The following BCAS3 variants were observed in gnomAD, a reference collection of about 807,000 sequenced individuals.
BCAS3 encodes BCAS4/BCAS3 fusion.
BCAS3 carries 53 observed loss-of-function variants against 116.1 expected under a neutral mutation model. That is an observed-to-expected ratio of 0.46 (90% CI 0.37 to 0.57). The LOEUF is 0.57. BCAS3 is among the 20% of genes least tolerant of loss of function. The probability of loss-of-function intolerance (pLI) is 0.00; values close to 1 mark genes in which losing one functional copy is unlikely to be tolerated. For missense variants in BCAS3, 917 were observed against 1,165.4 expected, an observed-to-expected ratio of 0.79 and a Z score of 3.10; for synonymous variants, 391 against 408.2, an observed-to-expected ratio of 0.96 and a Z score of 0.51.
At chr17:60,846,249 GTT>G (rs913673970) in intron 7 of BCAS3, among the ~76,000 whole-genome samples, 1 of 152,046 alleles carries the variant, frequency 6.6e-6, no homozygotes, top group African/African-American at 2.4e-5. Context: ...TTCTTTATCA[GTT>G]TTTTCAGTCA....
At chr17:60,688,590 G>A (rs1038501348) in intron 3 of BCAS3, among the ~76,000 whole-genome samples, 10 of 152,006 alleles carry the variant, frequency 6.6e-5, no homozygotes, top group African/African-American at 2.2e-4. Flanking sequence ...GAGGCGGGGC[G>A]GATCACCTGA....
chr17:61,055,883 G>A (rs961871740), intron 19 of BCAS3, among the ~76,000 whole-genome samples: 1 of 152,044 alleles, frequency 6.6e-6, no homozygotes, highest in Non-Finnish European at 1.5e-5. Context: ...TGCATTTCCT[G>A]ATAGAGAACT....
intron 22 of BCAS3, among the ~76,000 whole-genome samples, chr17:61,170,929 C>A (rs1474865858): frequency 1.3e-5 from 2 of 152,142 alleles, no homozygotes; most frequent in African/African-American, 4.8e-5. Context: ...CAGGAAAGAG[C>A]CACTTAAAAA....
chr17:61,136,868 C>T lies in BCAS3; in HGVS notation c.2425+52304C>T, dbSNP rs1297400166. On this transcript the variant is annotated intron_variant, in intron 22 of 23. Coordinates refer to ENST00000407086, the MANE Select transcript of BCAS3 (RefSeq NM_017679.5). The surrounding 1 kb of genome is among the most constrained non-coding windows in gnomAD (Gnocchi z 4.4). The stretch of plus-strand genomic sequence containing the variant: ...GCCACTGTGCTCAGCCAATTGTCCC[C>T]ATTTAAGAACCACTACCCTGGAAAC... 1.3e-5 allele frequency among the ~76,000 whole-genome samples: 2 copies of T among 152,134 alleles called. No individual in the cohort carries two copies. Among genetic ancestry groups the T allele is most frequent in the Non-Finnish European group, 2.9e-5 (2 of 68,018 alleles).
intron 7 of BCAS3, chr17:60,851,615 G>A (rs928216681): frequency 3.0e-6 from 2 of 658,504 alleles, no homozygotes; most frequent in Non-Finnish European, 5.6e-6. Context: ...AAATAAAAGG[G>A]CAAAGGGGAG....
intron 5 of BCAS3, among the ~76,000 whole-genome samples, chr17:60,746,837 A>G (rs938974632): frequency 2.6e-5 from 4 of 152,154 alleles, no homozygotes; most frequent in Non-Finnish European, 5.9e-5. Flanking sequence ...TAAAGTTGCT[A>G]TAATATTTAA....
rs981578759 is a variant in BCAS3 at position 61,077,473 on chromosome 17, C to T, written c.2131-860C>T. Among the ~76,000 whole-genome samples the T allele has an allele frequency of 2.0e-5, 3 of 151,960 alleles. No individual in the cohort carries two copies. Among genetic ancestry groups the T allele is most frequent in the Admixed American group, 6.6e-5 (1 of 15,264 alleles). ...CGGAGCTTGCAGTGAGCGGAGATCA[C>T]GCCACTGCACTCCAGTCTGGGCAAC... On this transcript the variant is annotated intron_variant, in intron 20 of 23. Coordinates refer to ENST00000407086, the MANE Select transcript of BCAS3 (RefSeq NM_017679.5). This position sits in a 1 kb window ranked among gnomAD's most constrained non-coding sequence, Gnocchi z 4.3.
Position 61,362,192 on chromosome 17 carries a change from G to A in BCAS3, c.2426-6135G>A, listed in dbSNP as rs1300703043. Among the ~76,000 whole-genome samples, 1 of 152,226 alleles carries A rather than the reference G, an allele frequency of 6.6e-6. No homozygotes were observed. Among genetic ancestry groups the A allele is most frequent in the Non-Finnish European group, 1.5e-5 (1 of 68,040 alleles). On this transcript the variant is annotated intron_variant, in intron 22 of 23. Coordinates refer to ENST00000407086, the MANE Select transcript of BCAS3 (RefSeq NM_017679.5). The surrounding 1 kb of genome is among the most constrained non-coding windows in gnomAD (Gnocchi z 4.4). ...GCAGCACTCTTAAGCTCCGTTTGGT[G>A]AGCAGTTTGGTAAGCTTGCCAAGGA...
intron 22 of BCAS3, among the ~76,000 whole-genome samples, chr17:61,250,782 C>T (rs1568667798): frequency 6.6e-6 from 1 of 152,162 alleles, no homozygotes; most frequent in Admixed American, 6.5e-5. Flanking sequence ...AGTTACTGCC[C>T]ACCTTGGCTT....
At chr17:60,779,669 G>C (rs2045628202) in intron 6 of BCAS3, among the ~76,000 whole-genome samples, 1 of 151,952 alleles carries the variant, frequency 6.6e-6, no homozygotes. Context: ...GCGCCCGGCA[G>C]AATTTCATGT....
intron 7 of BCAS3, among the ~76,000 whole-genome samples, chr17:60,812,466 T>C (rs2048924422): frequency 6.6e-6 from 1 of 152,180 alleles, no homozygotes; most frequent in Admixed American, 6.5e-5. Context: ...CACTTGTGAC[T>C]TTTTGGAAAA....
intron 9 of BCAS3, among the ~76,000 whole-genome samples, chr17:60,879,536 G>A (rs2055922076): frequency 6.6e-6 from 1 of 152,286 alleles, no homozygotes; most frequent in Non-Finnish European, 1.5e-5. Context: ...GCTGTCTGAT[G>A]TGGAAATCCA....
intron 22 of BCAS3, among the ~76,000 whole-genome samples, chr17:61,110,030 A>C (rs1292747709): frequency 6.6e-6 from 1 of 152,120 alleles, no homozygotes; most frequent in Non-Finnish European, 1.5e-5. Context: ...CAATGTCTAG[A>C]AGGGTTTCTT....
intron 7 of BCAS3, among the ~76,000 whole-genome samples, chr17:60,830,165 A>G (rs1448494070): frequency 1.3e-5 from 2 of 152,044 alleles, no homozygotes; most frequent in Non-Finnish European, 2.9e-5. Context: ...CTAATTTTGT[A>G]TTTTTAGTAG....
intron 22 of BCAS3, among the ~76,000 whole-genome samples, chr17:61,311,014 C>T (rs551214345): frequency 2.0e-5 from 3 of 152,192 alleles, no homozygotes; most frequent in East Asian, 1.9e-4. Flanking sequence ...CTCTGTGCCT[C>T]GGTTTTTTCA....
chr17:60,797,582 G>T (rs1432604685), intron 6 of BCAS3, among the ~76,000 whole-genome samples: 1 of 151,912 alleles, frequency 6.6e-6, no homozygotes. Context: ...TGTGCAGAAT[G>T]TGCATGTTTG....
Position 61,258,059 on chromosome 17 carries a change from C to T in BCAS3, c.2426-110268C>T, listed in dbSNP as rs1038838403. Among the ~76,000 whole-genome samples the T allele has an allele frequency of 6.6e-6, 1 of 152,186 alleles. No homozygotes were observed. Among genetic ancestry groups the T allele is most frequent in the Non-Finnish European group, 1.5e-5 (1 of 68,046 alleles). On this transcript the variant is annotated intron_variant, in intron 22 of 23. Coordinates refer to ENST00000407086, the MANE Select transcript of BCAS3 (RefSeq NM_017679.5). This position sits in a 1 kb window ranked among gnomAD's most constrained non-coding sequence, Gnocchi z 4.7. ...CTGTTCCTTCCTCTGAAGAGCCCTG[C>T]TCTTCTCAGTGTCCTTCATACACTC...
intron 15 of BCAS3, 89 bp from the exon 16 acceptor site, chr17:61,015,662 C>T: frequency 7.7e-7 from 1 of 1,305,362 alleles, no homozygotes; most frequent in South Asian, 1.3e-5. Flanking sequence ...TAAATGATTA[C>T]TGGAGTCAGT....
chr17:61,273,731 C>CTT (rs71355183), intron 22 of BCAS3, among the ~76,000 whole-genome samples: 4 of 138,822 alleles, frequency 2.9e-5, no homozygotes, highest in Non-Finnish European at 4.7e-5. Context: ...TGGCTCTGTT[C>CTT]TTTTTTTTTT....
Sources: gnomAD v4.1 joint callset for allele counts (sites outside exome capture counted in the v4.1 genomes callset) on GRCh38, gnomAD v4.1.1 for gene constraint, Gnocchi (gnomAD v3.1) non-coding constraint, MANE v1.5 for transcripts, NCBI Gene and HGNC (gene_info 2026-07-23, HGNC 2026-07-21) for gene names.